SYTL5: variants seen among roughly 807,000 people sequenced by gnomAD.
SYTL5 encodes synaptotagmin like 5, also known as synaptotagmin-like protein 5.
SYTL5 carries 34 observed loss-of-function variants against 55.9 expected under a neutral mutation model. The observed-to-expected ratio is 0.61, with a 90% CI of 0.46 to 0.81. The LOEUF is 0.81. Ranked by LOEUF, SYTL5 falls within the 30% of genes least tolerant of loss-of-function variation. SYTL5 has a pLI of 0.00. For synonymous variants in SYTL5, 221 were observed against 188.7 expected (o/e 1.17, Z -1.40); for missense variants, 637 against 546.7 (o/e 1.17, Z -1.65).
At chrX:38,064,124 G>T (rs1195208683) in intron 3 of SYTL5, among the ~76,000 whole-genome samples, 1 of 110,627 alleles carries the variant, frequency 9.0e-6, no homozygotes, top group East Asian at 2.8e-4. Flanking sequence ...TTTATTTTCT[G>T]AGTTGTGACA....
rs928634948 is a variant in SYTL5, at chrX:38,106,914, C to T, written c.1334+143C>T. The T allele has an allele frequency of 1.1e-4, 46 of 423,723 alleles. No individual in the cohort carries two copies. In the East Asian group the frequency reaches 1.9e-3, roughly 17 times the overall value. The allele number at this position is 423,723 out of a possible 1,213,427, so 34.9% of individuals were successfully genotyped here. A position where few individuals can be genotyped will look rare whatever the true frequency, so the allele number is the denominator to read the frequency against. On this transcript the variant is annotated intron_variant, in intron 11 of 16. Transcript: ENST00000297875. ...ATTGTCATGTTCCTCCTATACCACA[C>T]TTTTAAATATTCTCTGAAGCAAATG...
At chrX:37,936,167 G>T in the SYTL5 span, among the ~76,000 whole-genome samples, 1 of 112,044 alleles carries the variant, frequency 8.9e-6, no homozygotes, top group South Asian at 3.7e-4. Context: ...CCAACAAGAA[G>T]ATATGAAAAT....
chrX:38,039,971 C>G (rs538513664), intron 2 of SYTL5, among the ~76,000 whole-genome samples: 19 of 110,633 alleles, frequency 1.7e-4, no homozygotes, highest in African/African-American at 5.9e-4. Context: ...GTCAGGAGAT[C>G]GAGACCATCC....
At chrX:37,970,615 G>T in the SYTL5 span, among the ~76,000 whole-genome samples, 2 of 110,984 alleles carry the variant, frequency 1.8e-5, no homozygotes, top group Admixed American at 1.9e-4. Context: ...ATCCTGTTAC[G>T]TTTACCTGAT....
chrX:38,108,431 A>G (rs1193482471), intron 11 of SYTL5, among the ~76,000 whole-genome samples, 169 bp from the exon 12 acceptor site: 1 of 111,726 alleles, frequency 9.0e-6, no homozygotes, highest in Non-Finnish European at 1.9e-5. Context: ...TCTCTTACGG[A>G]AGGCCCAGTG....
At chrX:37,993,213 G>T in the SYTL5 span, among the ~76,000 whole-genome samples, 9 of 111,723 alleles carry the variant, frequency 8.1e-5, no homozygotes, top group African/African-American at 2.6e-4. Flanking sequence ...GGTCAACAAT[G>T]AAAATAACTT....
At chrX:37,968,754 C>T in the SYTL5 span, among the ~76,000 whole-genome samples, 4 of 111,846 alleles carry the variant, frequency 3.6e-5, no homozygotes, top group Non-Finnish European at 7.5e-5. Flanking sequence ...TGATCGCTTT[C>T]TCAGGAATAA....
chrX:38,040,037 T>C (rs1935235943), intron 2 of SYTL5, among the ~76,000 whole-genome samples: 1 of 110,015 alleles, frequency 9.1e-6, no homozygotes. Context: ...TACCCGGGCG[T>C]GGTGGCATGC....
At chrX:37,984,233 C>G in the SYTL5 span, among the ~76,000 whole-genome samples, 1 of 111,298 alleles carries the variant, frequency 9.0e-6, no homozygotes, top group Admixed American at 9.5e-5. Flanking sequence ...ACAAATTTGA[C>G]AAACTTTTAG....
chrX:37,970,354 C>CTT, the SYTL5 span, among the ~76,000 whole-genome samples: 2,474 of 96,299 alleles, frequency 0.026, 34 homozygotes, highest in South Asian at 0.048. Context: ...TTTTTTTTAC[C>CTT]TTTTTTTTTT....
chrX:38,092,941 T>G (rs1188006316), intron 7 of SYTL5, among the ~76,000 whole-genome samples: 1 of 112,020 alleles, frequency 8.9e-6, no homozygotes, highest in Non-Finnish European at 1.9e-5. Context: ...TCAATACTAA[T>G]GATACTCACA....
At chrX:37,985,216 A>G in the SYTL5 span, among the ~76,000 whole-genome samples, 1 of 112,057 alleles carries the variant, frequency 8.9e-6, no homozygotes, top group South Asian at 3.6e-4. Flanking sequence ...TATCTTATAT[A>G]TAGAATATCC....
At chrX:37,898,459 T>G in the SYTL5 span, among the ~76,000 whole-genome samples, 1 of 112,243 alleles carries the variant, frequency 8.9e-6, no homozygotes, top group African/African-American at 3.2e-5. Context: ...ACTTGTTTTT[T>G]GAGTCTGTGG....
At chrX:38,110,947 T>C (rs908003182) in intron 13 of SYTL5, among the ~76,000 whole-genome samples, 1 of 111,938 alleles carries the variant, frequency 8.9e-6, no homozygotes, top group Non-Finnish European at 1.9e-5. Context: ...ATTTTCTTAC[T>C]TTCCTACTTT....
At chrX:38,030,647 C>A (rs770507189) in intron 1 of SYTL5, among the ~76,000 whole-genome samples, 2 of 111,788 alleles carry the variant, frequency 1.8e-5, no homozygotes, top group African/African-American at 6.5e-5. Context: ...AGAGAATCTA[C>A]AAATGGCAAA....
chrX:37,954,360 A>G, the SYTL5 span, among the ~76,000 whole-genome samples: 1 of 111,527 alleles, frequency 9.0e-6, no homozygotes, highest in African/African-American at 3.3e-5. Context: ...GGGCTGTGTG[A>G]TTTTTCTCTA....
At chrX:37,896,196 T>A in the SYTL5 span, among the ~76,000 whole-genome samples, 1 of 112,574 alleles carries the variant, frequency 8.9e-6, no homozygotes, top group Non-Finnish European at 1.9e-5. Context: ...GCAAAATAAC[T>A]GAAACTGATT....
chrX:37,920,227 C>T, the SYTL5 span, among the ~76,000 whole-genome samples: 1 of 111,556 alleles, frequency 9.0e-6, no homozygotes, highest in African/African-American at 3.3e-5. Context: ...GATAACCACT[C>T]ATTATTATTG....
chrX:38,072,731 A>G (rs1335492110), intron 4 of SYTL5, among the ~76,000 whole-genome samples: 1 of 112,036 alleles, frequency 8.9e-6, no homozygotes, highest in Non-Finnish European at 1.9e-5. Flanking sequence ...CTTGAAATGC[A>G]TAGTCTTACT....
Sources: allele counts gnomAD v4.1 joint callset (sites outside exome capture counted in the v4.1 genomes callset), GRCh38; gene constraint gnomAD v4.1.1; transcripts MANE v1.5; gene names NCBI Gene and HGNC (gene_info 2026-07-23, HGNC 2026-07-21).